ATP11B: variants seen among roughly 807,000 people sequenced by gnomAD.
ATP11B encodes ATPase phospholipid transporting 11B (putative), also known as phospholipid-transporting ATPase IF.
Under a neutral mutation model 157.8 loss-of-function variants are expected in ATP11B, and 81 were observed. The ratio of observed to expected loss-of-function variants is 0.51; its 90% confidence interval spans 0.43 to 0.62. The LOEUF (loss-of-function observed/expected upper bound fraction) is 0.62. Among genes scored for constraint, ATP11B ranks in the 20% least tolerant of loss-of-function variants. The pLI, the probability that ATP11B is intolerant of heterozygous loss-of-function variation, is 0.00. For synonymous variants in ATP11B, 451 were observed against 469.4 expected (o/e 0.96, Z 0.51); for missense variants, 1,165 against 1,402.2 (o/e 0.83, Z 2.70).
chr3:182,833,453 A>G (rs1718301492), intron 4 of ATP11B, among the ~76,000 whole-genome samples: 2 of 151,918 alleles, frequency 1.3e-5, no homozygotes, highest in South Asian at 4.1e-4. Flanking sequence ...AGCCTACCAA[A>G]TAGCTGGGAC....
At chr3:182,839,851 G>A (rs775056990) in intron 7 of ATP11B, among the ~76,000 whole-genome samples, 1 of 152,118 alleles carries the variant, frequency 6.6e-6, no homozygotes, top group Non-Finnish European at 1.5e-5. Flanking sequence ...GACCTCAAGT[G>A]ATCCGCCCAC....
intron 1 of ATP11B, among the ~76,000 whole-genome samples, chr3:182,799,199 G>A (rs186222450): frequency 2.0e-5 from 3 of 152,186 alleles, no homozygotes; most frequent in African/African-American, 7.2e-5. Context: ...AACATCGACT[G>A]CTGTGGGGTT....
chr3:182,899,336 A>G (rs543417553), intron 28 of ATP11B, among the ~76,000 whole-genome samples: 238 of 151,830 alleles, frequency 1.6e-3, no homozygotes, highest in African/African-American at 5.6e-3. Context: ...TATTTTTAGT[A>G]GAGACGGGGT....
At chr3:182,808,999 A>C (rs887134234) in intron 1 of ATP11B, among the ~76,000 whole-genome samples, 2 of 151,632 alleles carry the variant, frequency 1.3e-5, no homozygotes, top group African/African-American at 4.8e-5. Flanking sequence ...TTTCTTTTTT[A>C]TTAATATTCT....
intron 12 of ATP11B, among the ~76,000 whole-genome samples, chr3:182,864,058 A>G (rs1721049328): frequency 6.6e-6 from 1 of 152,080 alleles, no homozygotes; most frequent in South Asian, 2.1e-4. Flanking sequence ...GACTTTAGGT[A>G]AGTTAAGTAA....
intron 1 of ATP11B, among the ~76,000 whole-genome samples, chr3:182,803,298 C>T (rs947299880): frequency 3.3e-5 from 5 of 152,152 alleles, no homozygotes; most frequent in Non-Finnish European, 7.4e-5. Flanking sequence ...TTTGCATTTT[C>T]TTGATTGCTG....
Position 182,866,326 on chromosome 3 carries a change from G to C in ATP11B, c.1502G>C (p.Ser501Thr). The C allele has an allele frequency of 6.2e-7, 1 of 1,613,728 alleles. No individual in the cohort carries two copies. The highest frequency in any genetic ancestry group is 8.5e-7 in the Non-Finnish European group (1 of 1,179,772). The stretch of plus-strand genomic sequence containing the variant: ...AGTCTCTGTCACACTGTACAGATTA[G>C]CAATGTTCAAACTGACTGCACTGGT... The part of the protein sequence containing the change: ...AVSLCHTVQI[S>T]NVQTDCTGDG... The change falls in exon 14 of 30, where the codon AGC becomes ACC. Residue 501 changes from serine to threonine, a missense_variant. By Grantham distance (58) the Ser-to-Thr change is moderately conservative. Around this residue, in one of 4 missense-constraint regions of ATP11B, gnomAD observed 737 missense variants for 930.5 expected, o/e 0.79. Transcript: ENST00000323116.
intron 1 of ATP11B, among the ~76,000 whole-genome samples, chr3:182,815,512 C>T (rs931309922): frequency 6.6e-6 from 1 of 152,072 alleles, no homozygotes; most frequent in Non-Finnish European, 1.5e-5. Context: ...TTTCATGTGC[C>T]TGTATACTTT....
intron 29 of ATP11B, chr3:182,917,398 A>T: frequency 1.0e-6 from 1 of 985,384 alleles, no homozygotes; most frequent in Non-Finnish European, 1.2e-6. Flanking sequence ...ATAAAGTATT[A>T]TGTAATGACT....
At chr3:182,896,070 A>G (rs1417277463) in intron 25 of ATP11B, among the ~76,000 whole-genome samples, 1 of 152,210 alleles carries the variant, frequency 6.6e-6, no homozygotes, top group Non-Finnish European at 1.5e-5. Flanking sequence ...TTCTGGTTGT[A>G]TTCTTGTAGA....
chr3:182,866,177 C>T (rs1721216765), intron 13 of ATP11B, 91 bp from the exon 14 acceptor site: 1 of 981,122 alleles, frequency 1.0e-6, no homozygotes, highest in African/African-American at 1.7e-5. Flanking sequence ...TTGTAGCACT[C>T]TTGTTCTAGA....
intron 21 of ATP11B, among the ~76,000 whole-genome samples, chr3:182,884,023 G>T (rs1426059674): frequency 1.3e-5 from 2 of 150,518 alleles, no homozygotes; most frequent in Admixed American, 1.3e-4. Flanking sequence ...ATGAATACAG[G>T]TTTTTTTCAT....
intron 15 of ATP11B, among the ~76,000 whole-genome samples, 173 bp from the exon 16 acceptor site, chr3:182,868,905 C>T (rs1482584778): frequency 1.3e-5 from 2 of 152,140 alleles, no homozygotes; most frequent in African/African-American, 4.8e-5. Flanking sequence ...TCAGTCTCTT[C>T]TATTTCTTCC....
intron 8 of ATP11B, among the ~76,000 whole-genome samples, chr3:182,842,668 G>A (rs1353384594): frequency 6.6e-6 from 1 of 152,122 alleles, no homozygotes; most frequent in African/African-American, 2.4e-5. Context: ...AAGGAGGGCA[G>A]GAGAAGGTCA....
chr3:182,867,579 C>CTTTTTT lies in ATP11B; in HGVS notation c.1688+152_1688+157dup, dbSNP rs386398716. ...TTTCTACAGCCCACAAGTCACATTA[C>CTTTTTT]TTTTTTTTTTTTTTTTTTTTTTGAG... On this transcript the variant is annotated intron_variant, in intron 15 of 29. Coordinates refer to ENST00000323116, the MANE Select transcript of ATP11B (RefSeq NM_014616.3). The CTTTTTT allele has an allele frequency of 3.4e-4, 52 of 152,798 alleles. 1 individual carries two copies. The highest frequency in any genetic ancestry group is 4.2e-4 in the Non-Finnish European group (36 of 85,724). 9.5% of individuals were successfully genotyped at this position (152,798 alleles called of 1,614,324 possible).
intron 1 of ATP11B, 102 bp downstream of exon 1, chr3:182,793,888 G>C: frequency 1.4e-6 from 1 of 739,490 alleles, no homozygotes; most frequent in East Asian, 4.0e-5. Flanking sequence ...GGAGGCCAGG[G>C]CGTGGGCGCC....
intron 4 of ATP11B, among the ~76,000 whole-genome samples, chr3:182,833,190 A>G (rs1576988968): frequency 6.6e-6 from 1 of 152,190 alleles, no homozygotes; most frequent in East Asian, 1.9e-4. Flanking sequence ...TTGGGAATTA[A>G]TCAGTTAATC....
In ATP11B at chr3:182,871,773, A is replaced by G. The variant is rs545411024; in HGVS notation, c.1867-583A>G. ...TAGGATAGTCTTTATGATCTATTCT[A>G]GGCTCTAATATTCTACAATTCAGTG... On this transcript the variant is annotated intron_variant, in intron 17 of 29. Coordinates refer to ENST00000323116, the MANE Select transcript of ATP11B (RefSeq NM_014616.3). Among the ~76,000 whole-genome samples, 3 of 152,198 alleles carry G rather than the reference A, an allele frequency of 2.0e-5. No individual in the cohort carries two copies. In the South Asian group the frequency reaches 6.2e-4, roughly 32 times the overall value.
At chr3:182,878,952 C>G (rs1179845899) in intron 19 of ATP11B, among the ~76,000 whole-genome samples, 1 of 152,074 alleles carries the variant, frequency 6.6e-6, no homozygotes, top group African/African-American at 2.4e-5. Context: ...AATATAATTA[C>G]TGTATCTATA....
Sources: gnomAD v4.1 joint callset for allele counts (sites outside exome capture counted in the v4.1 genomes callset) on GRCh38, gnomAD v4.1.1 for gene constraint, gnomAD v4.1.1 regional missense constraint, MANE v1.5 for transcripts, NCBI Gene and HGNC (gene_info 2026-07-23, HGNC 2026-07-21) for gene names.